LINGO1: variants seen among roughly 807,000 people sequenced by gnomAD.
The protein encoded by LINGO1 is leucine-rich repeat and immunoglobulin-like domain-containing nogo receptor-interacting protein 1.
In LINGO1, 11 loss-of-function variants were observed where a neutral mutation model predicts 37.3. The ratio of observed to expected loss-of-function variants is 0.29; its 90% CI spans 0.19 to 0.49. LINGO1 has a LOEUF of 0.49. Ranked by LOEUF, LINGO1 falls within the 20% of genes least tolerant of loss-of-function variation. The pLI, the probability that LINGO1 is intolerant of heterozygous loss-of-function variation, is 0.99. For synonymous variants in LINGO1, 387 were observed against 403.0 expected, an observed-to-expected ratio of 0.96 and a Z score of 0.48; for missense variants, 585 against 878.2, an observed-to-expected ratio of 0.67 and a Z score of 4.22.
chr15:77,693,440 C>T (rs940870879), intron 1 of LINGO1, among the ~76,000 whole-genome samples: 4 of 152,200 alleles, frequency 2.6e-5, no homozygotes, highest in Non-Finnish European at 4.4e-5. Context: ...CAAGGAAGGT[C>T]TTTCTGAAGC....
chr15:77,749,322 T>A (rs993904599), intron 1 of LINGO1, among the ~76,000 whole-genome samples: 1 of 151,980 alleles, frequency 6.6e-6, no homozygotes, highest in African/African-American at 2.4e-5. Flanking sequence ...CAGGAAGCAC[T>A]GTCAGAAAAC....
intron 2 of LINGO1, among the ~76,000 whole-genome samples, chr15:77,712,828 G>A (rs1461327705): frequency 6.6e-6 from 1 of 152,200 alleles, no homozygotes; most frequent in Non-Finnish European, 1.5e-5. Flanking sequence ...TCTCGCTGCT[G>A]TTAAAGGTTA....
chr15:77,615,823 CAGGAGGATGGGCTGCCAGCAGGCCAGG>C lies in LINGO1; in HGVS notation c.57_83del (p.Ala21_Leu29del). On this transcript the variant is annotated inframe_deletion, in exon 2 of 2. Coordinates refer to ENST00000355300, the MANE Select transcript of LINGO1 (RefSeq NM_032808.7). ...CTGACAGCACTGAGCCCAGCACCAG[CAGGAGGATGGGCTGCCAGCAGGCCAGG>C]AGGGGGCTGGGCATGCTCCTCACGC... is the stretch of plus-strand genomic sequence containing the variant. The C allele has an allele frequency of 6.5e-7, 1 of 1,527,654 alleles. No individual in the cohort carries two copies. The allele number at this position is 1,527,654 out of a possible 1,614,324, so 94.6% of individuals were successfully genotyped here. A position where few individuals can be genotyped will look rare whatever the true frequency, so the allele number is the denominator to read the frequency against.
intron 1 of LINGO1, among the ~76,000 whole-genome samples, chr15:77,774,235 G>A (rs2076614391): frequency 6.6e-6 from 1 of 152,048 alleles, no homozygotes; most frequent in Non-Finnish European, 1.5e-5. Context: ...GCGGGGGAAT[G>A]GGGGTCTTCA....
chr15:77,700,268 C>T (rs1049299079), upstream of LINGO1, among the ~76,000 whole-genome samples: 5 of 152,212 alleles, frequency 3.3e-5, no homozygotes, highest in African/African-American at 4.8e-5. Context: ...AAGCTCTCCC[C>T]TAATAAGAGC....
intron 2 of LINGO1, among the ~76,000 whole-genome samples, chr15:77,724,713 A>G (rs1282247080): frequency 1.3e-5 from 2 of 152,140 alleles, no homozygotes; most frequent in Non-Finnish European, 2.9e-5. Context: ...ATAACTAGGG[A>G]GAGGGCCACG....
intron 1 of LINGO1, among the ~76,000 whole-genome samples, chr15:77,812,593 T>A (rs1158943075): frequency 6.6e-6 from 1 of 152,196 alleles, no homozygotes; most frequent in African/African-American, 2.4e-5. Flanking sequence ...TGCGTCTCTT[T>A]CTCTGCCTCC....
At chr15:77,631,109 G>A (rs2074241552) in intron 1 of LINGO1, among the ~76,000 whole-genome samples, 1 of 152,202 alleles carries the variant, frequency 6.6e-6, no homozygotes, top group South Asian at 2.1e-4. Flanking sequence ...CCGCCTGGGT[G>A]TCCCGGCTCA....
At chr15:77,691,790 C>T (rs2075608466) in intron 1 of LINGO1, among the ~76,000 whole-genome samples, 1 of 151,980 alleles carries the variant, frequency 6.6e-6, no homozygotes, top group African/African-American at 2.4e-5. Flanking sequence ...AATGATCAAG[C>T]AGAGACCGGT....
Position 77,773,686 on chromosome 15 carries a change from G to GCACTTGCCTGGGGTCA in LINGO1, c.-257+13167_-257+13182dup, listed in dbSNP as rs1029291001. Among the ~76,000 whole-genome samples the GCACTTGCCTGGGGTCA allele has an allele frequency of 6.6e-5, 10 of 152,206 alleles. No homozygotes were observed. The South Asian group carries it at 2.1e-3, about 32-fold the overall frequency. On this transcript the variant is annotated intron_variant, in intron 1 of 3. Transcript: ENST00000561686. ...CCAGCACTGATACACAGGCTCGAAG[G>GCACTTGCCTGGGGTCA]CACTTGCCTGGGGTCACACTTGCCT...
At chr15:77,616,592 G>A (rs1418144692) in intron 1 of LINGO1, among the ~76,000 whole-genome samples, 2 of 152,156 alleles carry the variant, frequency 1.3e-5, no homozygotes, top group African/African-American at 4.8e-5. Flanking sequence ...CCCTCATCCA[G>A]AAGGCCCAGC....
intron 1 of LINGO1, among the ~76,000 whole-genome samples, chr15:77,694,490 G>T (rs192821501): frequency 6.6e-6 from 1 of 152,130 alleles, no homozygotes; most frequent in Admixed American, 6.5e-5. Flanking sequence ...CCCCTGCCCT[G>T]GAAGACGCAG....
intron 1 of LINGO1, among the ~76,000 whole-genome samples, chr15:77,754,607 C>T (rs761700372): frequency 3.2e-4 from 49 of 152,236 alleles, no homozygotes; most frequent in Admixed American, 4.6e-4. Flanking sequence ...CTCTGGAGTG[C>T]GCAGTGGGTG....
intron 2 of LINGO1, among the ~76,000 whole-genome samples, chr15:77,794,389 T>C (rs1452830780): frequency 9.9e-5 from 7 of 71,022 alleles, no homozygotes; most frequent in African/African-American, 3.6e-4. Context: ...TGTATATACA[T>C]ACATATATAC....
At chr15:77,729,223 T>A (rs1039797357) in intron 2 of LINGO1, among the ~76,000 whole-genome samples, 2 of 152,150 alleles carry the variant, frequency 1.3e-5, no homozygotes, top group African/African-American at 4.8e-5. Flanking sequence ...CAGAGAGCAC[T>A]TGCAGAGTTG....
intron 1 of LINGO1, among the ~76,000 whole-genome samples, chr15:77,744,136 G>T (rs918628990): frequency 1.3e-5 from 2 of 152,146 alleles, no homozygotes; most frequent in African/African-American, 4.8e-5. Flanking sequence ...AGGCACCTCT[G>T]GCAGACACCA....
At position 77,662,185 on chromosome 15, in the gene LINGO1, G is replaced by C. The variant is rs537105703; in HGVS notation, c.-13+14904C>G. Among the ~76,000 whole-genome samples the C allele has an allele frequency of 2.5e-3, 381 of 152,294 alleles. 2 individuals are homozygous for C. The South Asian group carries it at 0.028, about 11-fold the overall frequency. On this transcript the variant is annotated intron_variant, in intron 3 of 3. Transcript: ENST00000559893. ...TGACCCTGGCCTACACAGTTCTGGG[G>C]CCCCAGTGCACAGCCCCAGTCAGGT...
At chr15:77,753,740 A>C (rs2076393196) in intron 1 of LINGO1, among the ~76,000 whole-genome samples, 1 of 152,222 alleles carries the variant, frequency 6.6e-6, no homozygotes, top group African/African-American at 2.4e-5. Flanking sequence ...GGCTGGAGGC[A>C]CACACACACC....
chr15:77,771,270 G>C (rs2076582522), intron 1 of LINGO1, among the ~76,000 whole-genome samples: 1 of 152,180 alleles, frequency 6.6e-6, no homozygotes, highest in Non-Finnish European at 1.5e-5. Context: ...TATCATTACA[G>C]CATCACATTC....
Sources: allele counts gnomAD v4.1 joint callset (sites outside exome capture counted in the v4.1 genomes callset), GRCh38; gene constraint gnomAD v4.1.1; transcripts MANE v1.5; gene names NCBI Gene and HGNC (gene_info 2026-07-23, HGNC 2026-07-21).